The following PFKM variants were observed in gnomAD, a reference collection of about 807,000 sequenced individuals.
The protein encoded by PFKM is phosphofructokinase, muscle, also known as ATP-dependent 6-phosphofructokinase, muscle type.
In PFKM, 58 loss-of-function variants were observed where a neutral mutation model predicts 95.5. The ratio of observed to expected loss-of-function variants is 0.61; its 90% CI spans 0.49 to 0.76. The LOEUF (loss-of-function observed/expected upper bound fraction) is 0.76, where lower values mean the gene tolerates loss of function less well. PFKM is among the 30% of genes least tolerant of loss of function. The probability of loss-of-function intolerance (pLI) is 0.00; values close to 1 mark genes in which losing one functional copy is unlikely to be tolerated. For missense variants in PFKM, 678 were observed against 1,005.4 expected (o/e 0.67, Z 4.40); for synonymous variants, 336 against 357.2 (o/e 0.94, Z 0.67).
chr12:48,145,301 C>A lies in PFKM; in HGVS notation c.2184C>A (p.Asp728Glu). The change falls in exon 22 of 23, where the codon GAC (aspartate) becomes GAA (glutamate). Residue 728 changes from aspartate to glutamate, a missense_variant. Physicochemically the swap from Asp to Glu is conservative, Grantham distance 45. Transcript: ENST00000359794. The surrounding 1 kb of genome is among the most constrained non-coding windows in gnomAD (Gnocchi z 4.3). ...LVFQPVAELK[D>E]QTDFEHRIPK... The stretch of plus-strand genomic sequence containing the variant: ...TCCAACCAGTGGCTGAGCTGAAGGA[C>A]CAGACAGATTTTGAGTGAGTACATC... 6.2e-7 allele frequency: 1 copy of A among 1,613,284 alleles called. No homozygotes were observed. Among genetic ancestry groups the A allele is most frequent in the Non-Finnish European group, 8.5e-7 (1 of 1,179,292 alleles).
At chr12:48,113,648 G>T (rs1226370007) in intron 3 of PFKM, among the ~76,000 whole-genome samples, 1 of 152,228 alleles carries the variant, frequency 6.6e-6, no homozygotes, top group Non-Finnish European at 1.5e-5. Flanking sequence ...TGGGGTTCAG[G>T]CATTGTGAAG....
intron 1 of PFKM, among the ~76,000 whole-genome samples, chr12:48,120,532 A>T (rs1310193469): frequency 6.6e-6 from 1 of 152,204 alleles, no homozygotes; most frequent in African/African-American, 2.4e-5. Flanking sequence ...GTGGTTGGCA[A>T]ACTTCGTCTG....
At chr12:48,136,261 A>G (rs1950079908) in intron 10 of PFKM, among the ~76,000 whole-genome samples, 1 of 152,214 alleles carries the variant, frequency 6.6e-6, no homozygotes, top group African/African-American at 2.4e-5. Context: ...TATGTATATT[A>G]TATAAATGGA....
intron 2 of PFKM, among the ~76,000 whole-genome samples, chr12:48,129,219 T>C (rs1245987507): frequency 3.5e-5 from 4 of 115,330 alleles, no homozygotes; most frequent in African/African-American, 7.0e-5. Flanking sequence ...TCTTTTTTTT[T>C]TTTTTTTTTT....
intron 1 of PFKM, chr12:48,107,245 TTA>T: frequency 1.5e-6 from 1 of 676,432 alleles, no homozygotes; most frequent in Non-Finnish European, 2.7e-6. Context: ...GCTGATACTT[TTA>T]TATTATATTG....
Position 48,130,355 on chromosome 12 carries a change from C to A in PFKM, c.86-8C>A, listed in dbSNP as rs1434558460. On this transcript the variant is annotated splice_polypyrimidine_tract_variant and splice_region_variant and intron_variant, in intron 2 of 22. Coordinates refer to ENST00000359794, the MANE Select transcript of PFKM (RefSeq NM_000289.6). ...CCTCTCCGTGACTTCTTTTGTCCCTCCTTTCAGGTATGAATGCTGCTGTCA... is the reference window on the plus strand; with the variant it reads ...CCTCTCCGTGACTTCTTTTGTCCCTACTTTCAGGTATGAATGCTGCTGTCA... 2 of 1,611,602 alleles carry A rather than the reference C, an allele frequency of 1.2e-6. No individual in the cohort carries two copies. The highest frequency in any genetic ancestry group is 2.2e-5 in the South Asian group (2 of 91,040).
intron 2 of PFKM, among the ~76,000 whole-genome samples, chr12:48,107,769 T>C (rs1425326438): frequency 6.6e-6 from 1 of 152,214 alleles, no homozygotes; most frequent in Non-Finnish European, 1.5e-5. Flanking sequence ...TCTGGGCTCA[T>C]CTGTGGGAAT....
chr12:48,109,866 C>T (rs533400073), intron 3 of PFKM, among the ~76,000 whole-genome samples: 31 of 152,308 alleles, frequency 2.0e-4, no homozygotes, highest in African/African-American at 7.2e-4. Context: ...CCTACTCTTC[C>T]TCCTTCTTTG....
upstream of PFKM, chr12:48,105,386 G>A (rs2137432110): frequency 1.9e-6 from 1 of 518,996 alleles, no homozygotes; most frequent in East Asian, 5.4e-5. Context: ...AGAAAGAGAC[G>A]GTTCAAGGGA....
At chr12:48,122,709 T>C in intron 1 of PFKM, 58 bp from the exon 2 acceptor site, 3 of 1,611,788 alleles carry the variant, frequency 1.9e-6, no homozygotes, top group Non-Finnish European at 2.5e-6. Context: ...GCCGTTCCTT[T>C]AGCTAGTGGC....
intron 20 of PFKM, among the ~76,000 whole-genome samples, chr12:48,144,827 A>G (rs75665906): frequency 1.3e-5 from 2 of 152,284 alleles, no homozygotes; most frequent in African/African-American, 2.4e-5. Context: ...TTGTTATTAT[A>G]TCTGATACAT....
At chr12:48,135,914 A>AGT (rs1950038207) in intron 10 of PFKM, among the ~76,000 whole-genome samples, 1 of 140,198 alleles carries the variant, frequency 7.1e-6, no homozygotes, top group African/African-American at 3.1e-5. Flanking sequence ...TTTGAGACGC[A>AGT]CCATTGCACT....
rs1350133920 is a variant in PFKM, at chr12:48,134,282, A to T, written c.638+6A>T. On this transcript the variant is annotated splice_donor_region_variant and intron_variant, in intron 7 of 22. Coordinates refer to ENST00000359794, the MANE Select transcript of PFKM (RefSeq NM_000289.6). ...GTAATGGGCCGCCACTGTGGGTAAG[A>T]TCCTCATTCTGACCCATTTATTCCG... 1.9e-6 allele frequency: 3 copies of T among 1,612,568 alleles called. No individual in the cohort carries two copies. In the South Asian group the frequency reaches 3.3e-5, roughly 18 times the overall value.
rs755087232 is a variant in PFKM at position 48,139,327 on chromosome 12, G to A, written c.1105G>A (p.Glu369Lys). ...GGCCATGGATGAGAAGAAATTTGAC[G>A]AAGCCCTGAAGCTGAGAGGCCGGTG... Reference protein sequence around the residue: ...TKAMDEKKFDEALKLRGRSFM... With the variant: ...TKAMDEKKFDKALKLRGRSFM... The change falls in exon 12 of 23, where the codon GAA (glutamate) becomes AAA (lysine). Residue 369 changes from glutamate to lysine, a missense_variant. Transcript: ENST00000359794. The A allele has an allele frequency of 1.1e-5, 18 of 1,613,768 alleles. No individual in the cohort carries two copies. Among genetic ancestry groups the A allele is most frequent in the Non-Finnish European group, 1.4e-5 (16 of 1,179,764 alleles).
upstream of PFKM, among the ~76,000 whole-genome samples, chr12:48,117,267 C>A (rs557757142): frequency 1.3e-5 from 2 of 152,324 alleles, no homozygotes; most frequent in South Asian, 4.1e-4. Flanking sequence ...CAGCTTTTGG[C>A]AATTATGAAT....
At chr12:48,108,258 C>T in intron 3 of PFKM, 3 of 1,499,118 alleles carry the variant, frequency 2.0e-6, no homozygotes, top group South Asian at 1.2e-5. Flanking sequence ...AAGTTGTATG[C>T]ATAGTATTAT....
upstream of PFKM, among the ~76,000 whole-genome samples, chr12:48,117,736 A>T (rs1203844340): frequency 6.6e-6 from 1 of 152,248 alleles, no homozygotes; most frequent in Admixed American, 6.5e-5. Context: ...GCCAAATACG[A>T]GTGACCAATA....
At chr12:48,113,834 G>A (rs1947431452) in intron 3 of PFKM, among the ~76,000 whole-genome samples, 1 of 152,136 alleles carries the variant, frequency 6.6e-6, no homozygotes, top group Admixed American at 6.5e-5. Context: ...CTAATGTCAG[G>A]AGCTGACTGG....
At position 48,122,860 on chromosome 12, in the gene PFKM, G is replaced by A. The variant is rs1300079699; in HGVS notation, c.85+1G>A. On this transcript the variant is annotated splice_donor_variant, in intron 2 of 22. Coordinates refer to ENST00000359794, the MANE Select transcript of PFKM (RefSeq NM_000289.6). LOFTEE classifies it high-confidence loss of function. ...TTAACCTCTGGTGGAGATGCCCAAG[G>A]TAAGGAGGAGGGGACAAAAAACATG... The A allele has an allele frequency of 6.2e-7, 1 of 1,613,742 alleles. No homozygotes were observed. Among genetic ancestry groups the A allele is most frequent in the Non-Finnish European group, 8.5e-7 (1 of 1,179,776 alleles).
Sources: allele counts gnomAD v4.1 joint callset (sites outside exome capture counted in the v4.1 genomes callset), GRCh38; gene constraint gnomAD v4.1.1; non-coding constraint Gnocchi (gnomAD v3.1); transcripts MANE v1.5; gene names NCBI Gene and HGNC (gene_info 2026-07-23, HGNC 2026-07-21).